Variants in SRD5A2 observed in about 807,000 individuals in gnomAD.
SRD5A2 encodes the protein 3-oxo-5-alpha-steroid 4-dehydrogenase 2.
A neutral mutation model predicts 27.4 loss-of-function variants in SRD5A2; 30 were observed. That is an observed-to-expected ratio of 1.10 (90% CI 0.82 to 1.49). SRD5A2 has a LOEUF of 1.49. Ranked by LOEUF, SRD5A2 falls within the 40% of genes most tolerant of loss-of-function variation. SRD5A2 has a pLI of 0.00. For synonymous variants in SRD5A2, 141 were observed against 133.6 expected (o/e 1.06, Z -0.38); for missense variants, 348 against 323.4 (o/e 1.08, Z -0.58).
chr2:31,626,677 G>A, the SRD5A2 span, among the ~76,000 whole-genome samples: 1 of 152,098 alleles, frequency 6.6e-6, no homozygotes, highest in African/African-American at 2.4e-5. Flanking sequence ...TGAGTATGTT[G>A]AACCAGCCTT....
the SRD5A2 span, among the ~76,000 whole-genome samples, chr2:31,619,101 A>G: frequency 6.6e-6 from 1 of 152,176 alleles, no homozygotes; most frequent in African/African-American, 2.4e-5. Flanking sequence ...GCAAATCGAA[A>G]TCACATTTAG....
intron 1 of SRD5A2, among the ~76,000 whole-genome samples, chr2:31,569,994 T>G (rs926442245): frequency 4.6e-5 from 7 of 152,130 alleles, no homozygotes; most frequent in Admixed American, 1.3e-4. Context: ...CTCCAAAAAA[T>G]TGAGGAAGAG....
At chr2:31,601,466 C>T in the SRD5A2 span, among the ~76,000 whole-genome samples, 1 of 152,006 alleles carries the variant, frequency 6.6e-6, no homozygotes, top group Non-Finnish European at 1.5e-5. Flanking sequence ...GACAGATTCA[C>T]AGCTTAATTC....
chr2:31,627,433 G>GGTGT, the SRD5A2 span, among the ~76,000 whole-genome samples: 13,798 of 149,756 alleles, frequency 0.092, 720 homozygotes, highest in Middle Eastern at 0.18. Flanking sequence ...TTTGTACGGG[G>GGTGT]GTGTGTGTGT....
the SRD5A2 span, among the ~76,000 whole-genome samples, chr2:31,636,892 T>C: frequency 2.0e-5 from 3 of 152,138 alleles, no homozygotes; most frequent in Non-Finnish European, 4.4e-5. Flanking sequence ...GGTTGAGGAT[T>C]TTTGCATCTA....
At chr2:31,541,292 G>C (rs185182721) in intron 1 of SRD5A2, among the ~76,000 whole-genome samples, 4 of 151,402 alleles carry the variant, frequency 2.6e-5, no homozygotes, top group Non-Finnish European at 5.9e-5. Flanking sequence ...AAAAAGAAGA[G>C]TCTGCATCCC....
In SRD5A2 at chr2:31,531,476, G is replaced by C; in HGVS notation, c.446-4C>G. 6.3e-7 allele frequency: 1 copy of C among 1,577,522 alleles called. No homozygotes were observed. Among genetic ancestry groups the C allele is most frequent in the East Asian group, 2.3e-5 (1 of 43,956 alleles). ...CCCAAAATAAATAAGAAGACACCTTGACAAAGAAGAGAGAAAGGAGAAATT... is the reference window on the plus strand; with the variant it reads ...CCCAAAATAAATAAGAAGACACCTTCACAAAGAAGAGAGAAAGGAGAAATT... On this transcript the variant is annotated splice_polypyrimidine_tract_variant and splice_region_variant and intron_variant, in intron 2 of 4. Transcript: ENST00000622030.
chr2:31,604,509 C>A, the SRD5A2 span, among the ~76,000 whole-genome samples: 44 of 151,910 alleles, frequency 2.9e-4, no homozygotes, highest in Non-Finnish European at 5.2e-4. Context: ...TATATCCCAA[C>A]AGTGAACAAT....
intron 1 of SRD5A2, among the ~76,000 whole-genome samples, chr2:31,577,731 CT>C (rs1462157677): frequency 6.6e-6 from 1 of 152,146 alleles, no homozygotes; most frequent in Non-Finnish European, 1.5e-5. Flanking sequence ...CAGCCTGATG[CT>C]TGTTCCTTAA....
intron 1 of SRD5A2, among the ~76,000 whole-genome samples, chr2:31,571,740 A>C (rs1348391701): frequency 6.6e-6 from 1 of 152,230 alleles, no homozygotes; most frequent in Non-Finnish European, 1.5e-5. Flanking sequence ...AAAACAAGAT[A>C]TATGTGGCCA....
At chr2:31,584,152 A>G (rs1238462141), upstream of SRD5A2, among the ~76,000 whole-genome samples, 2 of 152,176 alleles carry the variant, frequency 1.3e-5, no homozygotes, top group Non-Finnish European at 1.5e-5. Context: ...GTTGGTTTGC[A>G]TATGAAAGAT....
chr2:31,573,998 C>T (rs1396523595), intron 1 of SRD5A2, among the ~76,000 whole-genome samples: 2 of 152,244 alleles, frequency 1.3e-5, no homozygotes, highest in African/African-American at 2.4e-5. Context: ...GCCCCCTCAA[C>T]ACCTATCCAC....
chr2:31,643,108 GT>G, the SRD5A2 span, among the ~76,000 whole-genome samples: 2 of 152,090 alleles, frequency 1.3e-5, no homozygotes, highest in Non-Finnish European at 2.9e-5. Context: ...AGTTACATAA[GT>G]GCAAGCATTC....
intron 1 of SRD5A2, among the ~76,000 whole-genome samples, chr2:31,560,226 A>G (rs113389343): frequency 2.4e-4 from 37 of 152,044 alleles, no homozygotes; most frequent in Admixed American, 3.3e-4. Context: ...TCTTCTTTCC[A>G]TCTTGTTGCT....
intron 1 of SRD5A2, among the ~76,000 whole-genome samples, chr2:31,538,983 C>A (rs1666079010): frequency 6.6e-6 from 1 of 152,184 alleles, no homozygotes; most frequent in Non-Finnish European, 1.5e-5. Context: ...CTATCATGTG[C>A]TATAAGTGGC....
intron 1 of SRD5A2, among the ~76,000 whole-genome samples, chr2:31,546,321 TAATC>T (rs1032912232): frequency 1.3e-5 from 2 of 152,040 alleles, no homozygotes; most frequent in African/African-American, 4.8e-5. Flanking sequence ...AAAACTATAG[TAATC>T]AAAGCAATAT....
the SRD5A2 span, among the ~76,000 whole-genome samples, chr2:31,657,948 A>G: frequency 1.3e-5 from 2 of 152,156 alleles, no homozygotes; most frequent in Admixed American, 6.5e-5. Context: ...AGAAGAAAAA[A>G]GTAGAACAGT....
chr2:31,612,588 C>T, the SRD5A2 span, among the ~76,000 whole-genome samples: 1 of 152,132 alleles, frequency 6.6e-6, no homozygotes, highest in Admixed American at 6.6e-5. Context: ...AATGTCTACA[C>T]TAACCAAAGT....
chr2:31,542,871 A>C (rs902185930), intron 1 of SRD5A2, among the ~76,000 whole-genome samples: 7 of 152,182 alleles, frequency 4.6e-5, no homozygotes, highest in Non-Finnish European at 1.0e-4. Flanking sequence ...AAAGGAGTAG[A>C]GAGAATATAG....
Sources: allele counts gnomAD v4.1 joint callset (sites outside exome capture counted in the v4.1 genomes callset), GRCh38; gene constraint gnomAD v4.1.1; transcripts MANE v1.5; gene names NCBI Gene and HGNC (gene_info 2026-07-23, HGNC 2026-07-21).